MALRD1: variants seen among roughly 807,000 people sequenced by gnomAD.
MALRD1 encodes the protein MAM and LDL-receptor class A domain-containing protein 1.
In MALRD1, 247 loss-of-function variants were observed where a neutral mutation model predicts 242.1. The observed-to-expected ratio is 1.02, with a 90% CI of 0.92 to 1.13. The LOEUF (loss-of-function observed/expected upper bound fraction) is 1.13, where lower values mean the gene tolerates loss of function less well. Ranked by LOEUF, MALRD1 falls within the 50% of genes most tolerant of loss-of-function variation. The probability of loss-of-function intolerance (pLI) is 0.00; values close to 1 mark genes in which losing one functional copy is unlikely to be tolerated. For missense variants in MALRD1, 2,989 were observed against 2,533.1 expected (o/e 1.18, Z -3.86); for synonymous variants, 995 against 866.6 (o/e 1.15, Z -2.60).
intron 38 of MALRD1, among the ~76,000 whole-genome samples, chr10:19,720,837 A>G (rs888864253): frequency 6.6e-6 from 1 of 152,224 alleles, no homozygotes; most frequent in African/African-American, 2.4e-5. Context: ...ACGGTAAATG[A>G]TCAGAGACCA....
chr10:19,633,841 T>TC (rs1840014593), intron 36 of MALRD1: 1 of 103,084 alleles, frequency 9.7e-6, no homozygotes, highest in Non-Finnish European at 2.0e-5. Context: ...CTTTTCTTTC[T>TC]TTTTTTTTTT....
At chr10:19,247,674 T>G (rs1839122298) in intron 18 of MALRD1, among the ~76,000 whole-genome samples, 1 of 151,938 alleles carries the variant, frequency 6.6e-6, no homozygotes, top group Non-Finnish European at 1.5e-5. Flanking sequence ...AAAGATAACA[T>G]TAACATTATA....
intron 26 of MALRD1, among the ~76,000 whole-genome samples, chr10:19,365,418 C>T (rs1010553510): frequency 3.3e-5 from 5 of 151,944 alleles, no homozygotes; most frequent in South Asian, 2.1e-4. Flanking sequence ...TAGATATTTT[C>T]GACAGACATT....
intron 2 of MALRD1, among the ~76,000 whole-genome samples, chr10:19,086,733 A>G (rs1835680663): frequency 6.6e-6 from 1 of 152,112 alleles, no homozygotes; most frequent in Admixed American, 6.5e-5. Context: ...GGTTTATTTT[A>G]AAGAATGAAC....
chr10:19,542,627 G>A (rs2131379918), intron 32 of MALRD1, among the ~76,000 whole-genome samples: 1 of 151,910 alleles, frequency 6.6e-6, no homozygotes, highest in East Asian at 1.9e-4. Context: ...ACTATCACAT[G>A]TTAAATTTAT....
chr10:19,175,864 A>T (rs1318363305), intron 14 of MALRD1, among the ~76,000 whole-genome samples: 2 of 152,134 alleles, frequency 1.3e-5, no homozygotes, highest in African/African-American at 4.8e-5. Context: ...CTTTGACTAA[A>T]TTTTTTGGAG....
intron 2 of MALRD1, among the ~76,000 whole-genome samples, chr10:19,085,941 C>T (rs1835654706): frequency 6.6e-6 from 1 of 151,852 alleles, no homozygotes; most frequent in African/African-American, 2.4e-5. Context: ...ATTATTTAAA[C>T]CTAAAATAAT....
intron 13 of MALRD1, among the ~76,000 whole-genome samples, chr10:19,168,853 T>C (rs1834805371): frequency 6.6e-6 from 1 of 152,106 alleles, no homozygotes; most frequent in Admixed American, 6.6e-5. Flanking sequence ...CTCGGTCACA[T>C]TGAATTCACC....
chr10:19,256,357 C>A (rs1839511852), intron 18 of MALRD1, among the ~76,000 whole-genome samples: 1 of 152,028 alleles, frequency 6.6e-6, no homozygotes, highest in Admixed American at 6.6e-5. Context: ...CTTTCAAATT[C>A]TGTCTGCTAG....
chr10:19,578,765 T>C (rs958803620), intron 33 of MALRD1, among the ~76,000 whole-genome samples: 4 of 151,386 alleles, frequency 2.6e-5, no homozygotes, highest in African/African-American at 7.3e-5. Context: ...AAGCAAAATA[T>C]CAAAACCTTG....
intron 29 of MALRD1, among the ~76,000 whole-genome samples, chr10:19,479,069 A>G (rs974650699): frequency 1.3e-5 from 2 of 152,210 alleles, no homozygotes; most frequent in African/African-American, 4.8e-5. Context: ...AATTTTACCA[A>G]ATTTAAACAC....
chr10:19,186,220 T>C (rs1046263908), intron 14 of MALRD1, among the ~76,000 whole-genome samples: 1 of 152,200 alleles, frequency 6.6e-6, no homozygotes, highest in Non-Finnish European at 1.5e-5. Context: ...TCTCTTCTCA[T>C]TGTCCTCAAG....
At chr10:19,341,456 A>ATACATATGTG (rs1843850591) in intron 24 of MALRD1, among the ~76,000 whole-genome samples, 1 of 122,636 alleles carries the variant, frequency 8.2e-6, no homozygotes, top group African/African-American at 2.9e-5. Flanking sequence ...ATATATGTGT[A>ATACATATGTG]TATATATGTA....
intron 32 of MALRD1, among the ~76,000 whole-genome samples, chr10:19,553,785 C>G (rs918503658): frequency 1.3e-5 from 2 of 152,156 alleles, no homozygotes; most frequent in Non-Finnish European, 2.9e-5. Context: ...CCCAGTGATA[C>G]ACGTGAGATT....
chr10:19,619,802 A>T (rs540028284), intron 36 of MALRD1, among the ~76,000 whole-genome samples: 1 of 152,060 alleles, frequency 6.6e-6, no homozygotes, highest in Non-Finnish European at 1.5e-5. Context: ...CTAAATTACT[A>T]TCTGACAAAT....
chr10:19,492,363 T>A (rs1257038841), intron 30 of MALRD1, among the ~76,000 whole-genome samples: 1 of 152,204 alleles, frequency 6.6e-6, no homozygotes, highest in Non-Finnish European at 1.5e-5. Context: ...CCCCAGAAGT[T>A]AGTGGTCTAG....
chr10:19,498,558 T>C lies in MALRD1; in HGVS notation c.5232T>C (p.Leu1744=). 6.5e-7 allele frequency: 1 copy of C among 1,550,250 alleles called. No homozygotes were observed. The highest frequency in any genetic ancestry group is 1.4e-5 in the African/African-American group (1 of 73,078). The change falls in exon 31 of 40, where the codon CTT becomes CTC. Residue 1744 remains leucine (L), a synonymous_variant. Coordinates refer to ENST00000454679, the MANE Select transcript of MALRD1 (RefSeq NM_001142308.3). The part of the protein sequence containing the change: ...SSGNWTTACS[L]TQDSEDDLDW... The stretch of plus-strand genomic sequence containing the variant: ...GAAACTGGACCACAGCCTGCAGTCT[T>C]ACTCAAGACTCTGAGGATGACTTGG...
At chr10:19,128,873 C>T (rs1371170413) in intron 8 of MALRD1, among the ~76,000 whole-genome samples, 3 of 152,040 alleles carry the variant, frequency 2.0e-5, no homozygotes, top group East Asian at 1.9e-4. Flanking sequence ...TCTCTCTCTC[C>T]TTGTCCAATA....
intron 28 of MALRD1, among the ~76,000 whole-genome samples, chr10:19,435,871 T>G (rs1002859541): frequency 2.0e-5 from 3 of 152,168 alleles, no homozygotes; most frequent in Non-Finnish European, 4.4e-5. Flanking sequence ...TAGAATTCTT[T>G]AGCATGGGAT....
Sources: gnomAD v4.1 joint callset for allele counts (sites outside exome capture counted in the v4.1 genomes callset) on GRCh38, gnomAD v4.1.1 for gene constraint, MANE v1.5 for transcripts, NCBI Gene and HGNC (gene_info 2026-07-23, HGNC 2026-07-21) for gene names.